The following ITGA8 variants were observed in gnomAD, a reference collection of about 807,000 sequenced individuals.
ITGA8 encodes integrin alpha-8.
A neutral mutation model predicts 142.3 loss-of-function variants in ITGA8; 91 were observed. The ratio of observed to expected loss-of-function variants is 0.64; its 90% CI spans 0.54 to 0.76. The LOEUF (loss-of-function observed/expected upper bound fraction) is 0.76, where lower values mean the gene tolerates loss of function less well. Ranked by LOEUF, ITGA8 falls within the 30% of genes least tolerant of loss-of-function variation. ITGA8 has a pLI of 0.00. For missense variants in ITGA8, 1,406 were observed against 1,327.7 expected (o/e 1.06, Z -0.92); for synonymous variants, 505 against 485.2 (o/e 1.04, Z -0.54).
intron 25 of ITGA8, among the ~76,000 whole-genome samples, chr10:15,567,063 G>A (rs1834093535): frequency 6.6e-6 from 1 of 150,506 alleles, no homozygotes; most frequent in Non-Finnish European, 1.5e-5. Context: ...GTTGAGGCAG[G>A]AGAATGACCT....
intron 10 of ITGA8, 69 bp downstream of exon 10, chr10:15,658,930 T>A: frequency 2.0e-6 from 2 of 1,019,130 alleles, no homozygotes; most frequent in South Asian, 2.8e-5. Flanking sequence ...GATGAATAAC[T>A]GATATGAATA....
At chr10:15,642,471 A>G (rs548953497) in intron 13 of ITGA8, among the ~76,000 whole-genome samples, 2 of 152,318 alleles carry the variant, frequency 1.3e-5, no homozygotes, top group East Asian at 3.9e-4. Flanking sequence ...CCTAAAATGC[A>G]ACCCAGGAGT....
intron 27 of ITGA8, among the ~76,000 whole-genome samples, chr10:15,531,553 T>C (rs1011075054): frequency 3.3e-5 from 5 of 152,214 alleles, no homozygotes; most frequent in Admixed American, 2.0e-4. Flanking sequence ...TAGTTACTGC[T>C]AGTGAAGGAC....
At position 15,715,104 on chromosome 10, in the gene ITGA8, C is replaced by T. The variant is rs142583459; in HGVS notation, c.343+3662G>A. On this transcript the variant is annotated intron_variant, in intron 2 of 29. Coordinates refer to ENST00000378076, the MANE Select transcript of ITGA8 (RefSeq NM_003638.3). ...GCAGAGAACTTTTCTTCCTTTTTTT[C>T]GGGGGAGAACAGTACGTTACTGGCA... Among the ~76,000 whole-genome samples the T allele has an allele frequency of 3.6e-4, 54 of 151,872 alleles. No homozygotes were observed. In the East Asian group the frequency reaches 9.3e-3, roughly 26 times the overall value.
intron 3 of ITGA8, among the ~76,000 whole-genome samples, chr10:15,687,503 G>A (rs548688324): frequency 6.6e-5 from 10 of 152,182 alleles, no homozygotes; most frequent in East Asian, 3.9e-4. Flanking sequence ...GCAGTTAGCC[G>A]TTTAAAAATT....
At chr10:15,565,136 G>C (rs1357713761) in intron 25 of ITGA8, among the ~76,000 whole-genome samples, 2 of 152,140 alleles carry the variant, frequency 1.3e-5, no homozygotes, top group Non-Finnish European at 2.9e-5. Context: ...TCTTTTTGAT[G>C]GTCGAGAATT....
chr10:15,671,938 A>G (rs993090029), intron 7 of ITGA8, among the ~76,000 whole-genome samples: 1 of 151,782 alleles, frequency 6.6e-6, no homozygotes, highest in African/African-American at 2.4e-5. Context: ...AAGCATGGAT[A>G]CTTCATAATC....
chr10:15,705,363 A>T (rs1049480314), intron 2 of ITGA8, among the ~76,000 whole-genome samples: 2 of 152,214 alleles, frequency 1.3e-5, no homozygotes, highest in Non-Finnish European at 2.9e-5. Context: ...ATGAGAAAAG[A>T]TCATTTTCTT....
chr10:15,537,548 CT>C (rs138193538), intron 27 of ITGA8, among the ~76,000 whole-genome samples: 1,832 of 152,306 alleles, frequency 0.012, 37 homozygotes, highest in African/African-American at 0.042. Flanking sequence ...GACACCGGGT[CT>C]TCTTTAACAG....
chr10:15,567,216 G>C (rs909239770), intron 25 of ITGA8, among the ~76,000 whole-genome samples: 1 of 151,494 alleles, frequency 6.6e-6, no homozygotes, highest in African/African-American at 2.4e-5. Context: ...GAAACTTTTG[G>C]CTCCTCAATA....
chr10:15,619,440 C>G (rs1833449770), intron 13 of ITGA8, among the ~76,000 whole-genome samples: 1 of 152,108 alleles, frequency 6.6e-6, no homozygotes, highest in Non-Finnish European at 1.5e-5. Flanking sequence ...TGCTGATGTT[C>G]AAATAAGTCG....
chr10:15,694,814 C>T (rs1835022043), intron 2 of ITGA8, among the ~76,000 whole-genome samples: 1 of 150,742 alleles, frequency 6.6e-6, no homozygotes, highest in Non-Finnish European at 1.5e-5. Context: ...TGACTTGTGG[C>T]ACTCAGGAAT....
chr10:15,561,378 G>A (rs1326662755), intron 25 of ITGA8, among the ~76,000 whole-genome samples: 1 of 151,712 alleles, frequency 6.6e-6, no homozygotes, highest in East Asian at 1.9e-4. Flanking sequence ...CATGTTGCTT[G>A]ATATATTCTT....
intron 8 of ITGA8, among the ~76,000 whole-genome samples, chr10:15,671,367 C>T (rs930878449): frequency 6.6e-6 from 1 of 151,916 alleles, no homozygotes; most frequent in Non-Finnish European, 1.5e-5. Context: ...GGATTATGGC[C>T]CTAATATTTT....
At chr10:15,582,995 A>C (rs1264531161) in intron 23 of ITGA8, among the ~76,000 whole-genome samples, 2 of 152,236 alleles carry the variant, frequency 1.3e-5, no homozygotes, top group Non-Finnish European at 2.9e-5. Context: ...CAAACTGGAG[A>C]CAATTCAAAT....
intron 26 of ITGA8, among the ~76,000 whole-genome samples, chr10:15,551,744 C>T (rs1038591861): frequency 6.6e-6 from 1 of 152,130 alleles, no homozygotes; most frequent in African/African-American, 2.4e-5. Context: ...AAACAAAAAA[C>T]GTAGGAGGTC....
intron 27 of ITGA8, among the ~76,000 whole-genome samples, chr10:15,547,199 A>C (rs766177272): frequency 6.6e-6 from 1 of 152,228 alleles, no homozygotes; most frequent in African/African-American, 2.4e-5. Context: ...AGGTTGTAAC[A>C]CAGCAGTATC....
intron 25 of ITGA8, 70 bp downstream of exon 25, chr10:15,572,141 G>A: frequency 1.5e-6 from 2 of 1,308,080 alleles, no homozygotes; most frequent in Non-Finnish European, 1.0e-6. Flanking sequence ...TTTTAAACAA[G>A]CCCAGTTTGT....
At chr10:15,672,547 C>A (rs1368262309) in intron 7 of ITGA8, 77 bp downstream of exon 7, 9 of 1,479,726 alleles carry the variant, frequency 6.1e-6, no homozygotes, top group Non-Finnish European at 8.2e-6. Context: ...TCGGATAAGT[C>A]AGGGATAAAA....
Sources: allele counts gnomAD v4.1 joint callset (sites outside exome capture counted in the v4.1 genomes callset), GRCh38; gene constraint gnomAD v4.1.1; transcripts MANE v1.5; gene names NCBI Gene and HGNC (gene_info 2026-07-23, HGNC 2026-07-21).